The following MYO5B variants were observed in gnomAD, a reference collection of about 807,000 sequenced individuals.
MYO5B encodes myosin VB.
Under a neutral mutation model 229.3 loss-of-function variants are expected in MYO5B, and 143 were observed. The observed-to-expected ratio is 0.62, with a 90% CI of 0.54 to 0.72. The LOEUF (loss-of-function observed/expected upper bound fraction) is 0.72. Among genes scored for constraint, MYO5B ranks in the 30% least tolerant of loss-of-function variants. The pLI is 0.00. For missense variants in MYO5B, 2,321 were observed against 2,331.0 expected (o/e 1.00, Z 0.09); for synonymous variants, 918 against 885.2 (o/e 1.04, Z -0.66).
In MYO5B at chr18:49,876,773, C is replaced by T. The variant is rs140041318; in HGVS notation, c.3397-946G>A. On this transcript the variant is annotated intron_variant, in intron 25 of 39. Coordinates refer to ENST00000285039, the MANE Select transcript of MYO5B (RefSeq NM_001080467.3). ...GCAGTTATGCAAGGCTTACTAAGTG[C>T]GTCTGGCAGGCAGCAAGCCACGCAG... Among the ~76,000 whole-genome samples the T allele has an allele frequency of 2.7e-3, 405 of 152,350 alleles. 2 individuals are homozygous for T. The highest frequency in any genetic ancestry group is 3.8e-3 in the Non-Finnish European group (260 of 68,034).
chr18:49,905,952 C>T (rs1413490975), intron 19 of MYO5B, among the ~76,000 whole-genome samples: 1 of 152,190 alleles, frequency 6.6e-6, no homozygotes, highest in East Asian at 1.9e-4. Flanking sequence ...TCTCTCCATC[C>T]TGGCTTGTGC....
intron 1 of MYO5B, among the ~76,000 whole-genome samples, chr18:50,157,817 A>G (rs1279858145): frequency 6.6e-6 from 1 of 152,206 alleles, no homozygotes; most frequent in Non-Finnish European, 1.5e-5. Flanking sequence ...GAGGGCCAAA[A>G]CCATGTCTTG....
In MYO5B at chr18:49,862,654, C is replaced by A. The variant is rs16951162; in HGVS notation, c.3944+573G>T. Among the ~76,000 whole-genome samples, 984 of 152,330 alleles carry A rather than the reference C, an allele frequency of 6.5e-3. 12 individuals carry two copies. Among genetic ancestry groups the A allele is most frequent in the African/African-American group, 0.022 (917 of 41,566 alleles). ...CCCTCAGACAATCACTCTTGCTTGC[C>A]TTAACCCTGGCTCAGCTTATTTTCG... On this transcript the variant is annotated intron_variant, in intron 29 of 39. Coordinates refer to ENST00000285039, the MANE Select transcript of MYO5B (RefSeq NM_001080467.3).
intron 14 of MYO5B, among the ~76,000 whole-genome samples, chr18:49,942,331 G>A (rs2025323152): frequency 7.5e-6 from 1 of 133,058 alleles, no homozygotes; most frequent in Non-Finnish European, 1.6e-5. Flanking sequence ...GCAAAAATGG[G>A]ATCTAATTGA....
At chr18:49,871,812 C>T in intron 27 of MYO5B, 1 of 341,506 alleles carries the variant, frequency 2.9e-6, no homozygotes. Flanking sequence ...CACTCACCTC[C>T]CACTGTTCTA....
chr18:49,922,771 G>A (rs996287524), intron 17 of MYO5B, among the ~76,000 whole-genome samples: 17 of 151,938 alleles, frequency 1.1e-4, no homozygotes, highest in Non-Finnish European at 1.6e-4. Context: ...CACAATACCT[G>A]TAATTACAAA....
intron 1 of MYO5B, among the ~76,000 whole-genome samples, chr18:50,088,039 G>A (rs1165374999): frequency 1.3e-5 from 2 of 152,170 alleles, no homozygotes; most frequent in East Asian, 1.9e-4. Flanking sequence ...AAGCTTTGAA[G>A]GATGTAGAAG....
At chr18:50,139,169 A>T (rs1440230770) in intron 1 of MYO5B, among the ~76,000 whole-genome samples, 1 of 152,196 alleles carries the variant, frequency 6.6e-6, no homozygotes, top group Non-Finnish European at 1.5e-5. Flanking sequence ...CTGTGTTCCC[A>T]TCATCTCATT....
intron 39 of MYO5B, among the ~76,000 whole-genome samples, chr18:49,827,277 C>A (rs181106042): frequency 6.6e-6 from 1 of 152,362 alleles, no homozygotes; most frequent in African/African-American, 2.4e-5. Flanking sequence ...TTCAGCTCCC[C>A]TGAAGCTATG....
intron 31 of MYO5B, chr18:49,850,689 C>A (rs1237184902): frequency 6.6e-6 from 1 of 152,274 alleles, no homozygotes. Flanking sequence ...TCTGTGGCTA[C>A]CGAAGGTCTC....
At chr18:49,938,119 T>C (rs550202830) in intron 14 of MYO5B, among the ~76,000 whole-genome samples, 114 of 152,340 alleles carry the variant, frequency 7.5e-4, no homozygotes, top group East Asian at 7.7e-4. Context: ...GAGGTGGCTA[T>C]GCTTTAATAC....
chr18:49,865,452 T>TA, intron 27 of MYO5B, among the ~76,000 whole-genome samples: 1 of 152,250 alleles, frequency 6.6e-6, no homozygotes, highest in East Asian at 1.9e-4. Context: ...TCACCAAGCC[T>TA]ATGGTGAGTC....
At position 50,040,192 on chromosome 18, in the gene MYO5B, A is replaced by C; in HGVS notation, c.261T>G (p.His87Gln). 1 of 1,614,142 alleles carries C rather than the reference A, an allele frequency of 6.2e-7. No homozygotes were observed. Among genetic ancestry groups the C allele is most frequent in the East Asian group, 2.2e-5 (1 of 44,876 alleles). Residue 87 changes from histidine (H) to glutamine (Q), a missense_variant, in exon 3 of 40, where the codon CAT becomes CAG. Around this residue, in one of 2 missense-constraint regions of MYO5B, gnomAD observed 2,113 missense variants for 2,044.7 expected, o/e 1.03. Coordinates refer to ENST00000285039, the MANE Select transcript of MYO5B (RefSeq NM_001080467.3). ...LSYLHEPAVL[H>Q]NLKVRFLESN... ...ACTCCAGGAAACGGACCTTCAAATT[A>C]TGCAAAACTGCAGGCTCATGAAGAT...
intron 4 of MYO5B, among the ~76,000 whole-genome samples, chr18:50,008,307 C>T (rs1037580500): frequency 2.6e-5 from 4 of 152,166 alleles, no homozygotes; most frequent in Non-Finnish European, 5.9e-5. Flanking sequence ...ACCCTAGTCT[C>T]CCCACTAGAA....
chr18:50,003,389 G>T (rs757514396), intron 4 of MYO5B, among the ~76,000 whole-genome samples: 1 of 152,196 alleles, frequency 6.6e-6, no homozygotes, highest in Non-Finnish European at 1.5e-5. Flanking sequence ...AGACATCATT[G>T]TAGTCAGAGC....
Position 49,904,844 on chromosome 18 carries a change from A to G in MYO5B, c.2415-16T>C, listed in dbSNP as rs1409165919. On this transcript the variant is annotated splice_polypyrimidine_tract_variant and intron_variant, in intron 19 of 39. Coordinates refer to ENST00000285039, the MANE Select transcript of MYO5B (RefSeq NM_001080467.3). ...CTCAGCCAGCCTGGGGAGCAAGAGG[A>G]AACAGGCAGTGTCAGGGAGAGAGTA... 2.5e-6 allele frequency: 4 copies of G among 1,612,990 alleles called. No individual in the cohort carries two copies. The African/African-American group carries it at 5.3e-5, about 22-fold the overall frequency.
chr18:49,922,452 G>C (rs1438610978), intron 17 of MYO5B, among the ~76,000 whole-genome samples: 5 of 152,164 alleles, frequency 3.3e-5, no homozygotes, highest in African/African-American at 1.2e-4. Flanking sequence ...TACATGCTGT[G>C]GCTTGGTTGT....
intron 34 of MYO5B, 56 bp downstream of exon 34, chr18:49,843,185 G>A: frequency 1.2e-6 from 2 of 1,605,992 alleles, no homozygotes; most frequent in Middle Eastern, 2.2e-4. Context: ...GCAACAGTAA[G>A]GGGCTGGCTT....
In MYO5B at chr18:49,956,398, C is replaced by G. The variant is rs974013771; in HGVS notation, c.1546-1963G>C. On this transcript the variant is annotated intron_variant, in intron 12 of 39. Coordinates refer to ENST00000285039, the MANE Select transcript of MYO5B (RefSeq NM_001080467.3). ...ATAATGGGGAAGTATCAGGTTGGTG[C>G]AAAAGTAATTGTGGCTTTTGCCATT... Among the ~76,000 whole-genome samples the G allele has an allele frequency of 7.2e-5, 11 of 152,286 alleles. No homozygotes were observed. In the East Asian group the frequency reaches 1.9e-3, roughly 27 times the overall value.
Sources: gnomAD v4.1 joint callset for allele counts (sites outside exome capture counted in the v4.1 genomes callset) on GRCh38, gnomAD v4.1.1 for gene constraint, gnomAD v4.1.1 regional missense constraint, MANE v1.5 for transcripts, NCBI Gene and HGNC (gene_info 2026-07-23, HGNC 2026-07-21) for gene names.